SGCZ: variants seen among roughly 807,000 people sequenced by gnomAD.
SGCZ encodes the protein zeta-sarcoglycan.
Under a neutral mutation model 41.3 loss-of-function variants are expected in SGCZ, and 40 were observed. The ratio of observed to expected loss-of-function variants is 0.97; its 90% CI spans 0.75 to 1.26. The LOEUF (loss-of-function observed/expected upper bound fraction) is 1.26. Among genes scored for constraint, SGCZ ranks in the 50% most tolerant of loss-of-function variants. The pLI, the probability that SGCZ is intolerant of heterozygous loss-of-function variation, is 0.00. For missense variants in SGCZ, 552 were observed against 369.8 expected, an observed-to-expected ratio of 1.49 and a Z score of -4.04; for synonymous variants, 206 against 137.5, an observed-to-expected ratio of 1.50 and a Z score of -3.49.
Position 14,484,567 on chromosome 8 carries a change from C to T in SGCZ, c.234+70165G>A, listed in dbSNP as rs147026477. Reference sequence around the variant, plus strand: ...AATGTTACAGTACAATGGGAGCATCCTGGTATGGAAAAAGATAGATCTGGA... The same window carrying T: ...AATGTTACAGTACAATGGGAGCATCTTGGTATGGAAAAAGATAGATCTGGA... On this transcript the variant is annotated intron_variant, in intron 2 of 7. Coordinates refer to ENST00000382080, the MANE Select transcript of SGCZ (RefSeq NM_139167.4). 8.8e-3 allele frequency among the ~76,000 whole-genome samples: 1,332 copies of T among 152,060 alleles called. 21 individuals are homozygous for T. The highest frequency in any genetic ancestry group is 0.031 in the African/African-American group (1,269 of 41,480).
At chr8:14,164,551 C>T in intron 5 of SGCZ, 29 bp downstream of exon 5, 1 of 1,611,666 alleles carries the variant, frequency 6.2e-7, no homozygotes, top group Non-Finnish European at 8.5e-7. Flanking sequence ...AAGAAGTAAA[C>T]AATTTTTCAA....
chr8:14,396,760 A>T (rs1660199913), intron 2 of SGCZ, among the ~76,000 whole-genome samples: 1 of 151,950 alleles, frequency 6.6e-6, no homozygotes, highest in Non-Finnish European at 1.5e-5. Flanking sequence ...TAGAGTTACG[A>T]GATAGTGAGC....
intron 6 of SGCZ, among the ~76,000 whole-genome samples, chr8:14,107,048 C>G (rs1034916664): frequency 6.6e-6 from 1 of 151,924 alleles, no homozygotes; most frequent in Admixed American, 6.6e-5. Context: ...AACCCCGTCT[C>G]TACTAAAAAT....
intron 3 of SGCZ, among the ~76,000 whole-genome samples, chr8:14,288,993 T>C (rs901751073): frequency 1.3e-5 from 2 of 152,158 alleles, no homozygotes; most frequent in Non-Finnish European, 2.9e-5. Context: ...AATGATATCT[T>C]ATTGTGGTTT....
intron 1 of SGCZ, among the ~76,000 whole-genome samples, chr8:14,576,264 G>A (rs565119461): frequency 6.4e-4 from 98 of 152,166 alleles, no homozygotes; most frequent in Middle Eastern, 3.4e-3. Context: ...GTGAAAACAG[G>A]GTGAGAGAAA....
At chr8:14,657,086 C>A (rs11203647) in intron 1 of SGCZ, among the ~76,000 whole-genome samples, 11 of 151,716 alleles carry the variant, frequency 7.3e-5, no homozygotes, top group Non-Finnish European at 1.6e-4. Context: ...TTTTCAATAA[C>A]TTTTTAAATT....
intron 3 of SGCZ, among the ~76,000 whole-genome samples, chr8:14,240,311 G>C (rs1420881415): frequency 8.2e-6 from 1 of 122,170 alleles, no homozygotes; most frequent in Non-Finnish European, 1.6e-5. Flanking sequence ...CTGAGTGACA[G>C]AGCGAAACTC....
At chr8:15,220,455 C>T (rs1484296479) in intron 1 of SGCZ, among the ~76,000 whole-genome samples, 2 of 152,102 alleles carry the variant, frequency 1.3e-5, no homozygotes, top group Non-Finnish European at 2.9e-5. Context: ...CCCTGCCTTG[C>T]CCCATTTCTA....
chr8:14,457,478 C>T (rs1350111653), intron 2 of SGCZ, among the ~76,000 whole-genome samples: 2 of 152,200 alleles, frequency 1.3e-5, no homozygotes, highest in Non-Finnish European at 2.9e-5. Flanking sequence ...GACTCTGCTC[C>T]TCCAACTCTT....
chr8:14,197,894 T>C (rs1487952206), intron 4 of SGCZ, among the ~76,000 whole-genome samples: 1 of 152,050 alleles, frequency 6.6e-6, no homozygotes, highest in Non-Finnish European at 1.5e-5. Flanking sequence ...CCTGATTCTC[T>C]AAATATAAAA....
intron 1 of SGCZ, among the ~76,000 whole-genome samples, chr8:14,571,926 T>C (rs1051431916): frequency 6.6e-6 from 1 of 152,230 alleles, no homozygotes; most frequent in Non-Finnish European, 1.5e-5. Context: ...TTACTTAATG[T>C]ACACATTACT....
chr8:15,214,328 T>C (rs1053265883), intron 1 of SGCZ, among the ~76,000 whole-genome samples: 42 of 152,248 alleles, frequency 2.8e-4, no homozygotes, highest in African/African-American at 9.1e-4. Flanking sequence ...CATACAAATA[T>C]ATGTATTATT....
Position 14,584,107 on chromosome 8 carries a change from C to T in SGCZ, c.40-29181G>A, listed in dbSNP as rs183019134. Among the ~76,000 whole-genome samples, 1,131 of 152,056 alleles carry T rather than the reference C, an allele frequency of 7.4e-3. 16 individuals are homozygous for T. The highest frequency in any genetic ancestry group is 0.026 in the African/African-American group (1,075 of 41,470). On this transcript the variant is annotated intron_variant, in intron 1 of 7. Coordinates refer to ENST00000382080, the MANE Select transcript of SGCZ (RefSeq NM_139167.4). ...AAATATTAAACGTTAATATAAATTG[C>T]AGACTGAGGCATGAAATCACTGCTA...
chr8:14,314,135 C>T (rs1265712699), intron 3 of SGCZ, among the ~76,000 whole-genome samples: 1 of 152,078 alleles, frequency 6.6e-6, no homozygotes, highest in Non-Finnish European at 1.5e-5. Context: ...GTAAGAAGAA[C>T]TCCTTTTAAA....
At chr8:15,148,098 G>A (rs554005818) in intron 1 of SGCZ, among the ~76,000 whole-genome samples, 26 of 152,276 alleles carry the variant, frequency 1.7e-4, no homozygotes, top group African/African-American at 5.8e-4. Flanking sequence ...AAGAAGCAGC[G>A]ATGAGGCAGC....
At chr8:14,616,747 T>G (rs1806118809) in intron 1 of SGCZ, among the ~76,000 whole-genome samples, 1 of 152,120 alleles carries the variant, frequency 6.6e-6, no homozygotes, top group Non-Finnish European at 1.5e-5. Flanking sequence ...ATTTAAAACC[T>G]TGAAAATAAC....
At chr8:14,705,139 C>T (rs1249088474) in intron 1 of SGCZ, among the ~76,000 whole-genome samples, 1 of 151,864 alleles carries the variant, frequency 6.6e-6, no homozygotes, top group African/African-American at 2.4e-5. Flanking sequence ...CTTCAACACC[C>T]CTTTTTAGAC....
chr8:14,287,680 T>G (rs1011710678), intron 3 of SGCZ, among the ~76,000 whole-genome samples: 1 of 152,124 alleles, frequency 6.6e-6, no homozygotes, highest in Non-Finnish European at 1.5e-5. Flanking sequence ...TTAATTTTTT[T>G]AAATATATTT....
At chr8:15,194,036 G>T (rs1250376820) in intron 1 of SGCZ, among the ~76,000 whole-genome samples, 1 of 152,070 alleles carries the variant, frequency 6.6e-6, no homozygotes, top group African/African-American at 2.4e-5. Context: ...TTTCTGAGTT[G>T]ACCCTTATGG....
Sources: gnomAD v4.1 joint callset for allele counts (sites outside exome capture counted in the v4.1 genomes callset) on GRCh38, gnomAD v4.1.1 for gene constraint, MANE v1.5 for transcripts, NCBI Gene and HGNC (gene_info 2026-07-23, HGNC 2026-07-21) for gene names.